CCDC175: variants seen among roughly 807,000 people sequenced by gnomAD.
The protein encoded by CCDC175 is coiled-coil domain-containing protein 175.
CCDC175 carries 100 observed loss-of-function variants against 114.6 expected under a neutral mutation model. That is an observed-to-expected ratio of 0.87 (90% CI 0.74 to 1.03). The LOEUF (loss-of-function observed/expected upper bound fraction) is 1.03, where lower values mean the gene tolerates loss of function less well. CCDC175 is among the 50% of genes least tolerant of loss of function. The pLI is 0.00. For synonymous variants in CCDC175, 306 were observed against 308.7 expected (o/e 0.99, Z 0.09); for missense variants, 880 against 917.8 (o/e 0.96, Z 0.53).
At chr14:59,566,480 A>C (rs776267638) in intron 4 of CCDC175, among the ~76,000 whole-genome samples, 2 of 152,194 alleles carry the variant, frequency 1.3e-5, no homozygotes, top group Non-Finnish European at 1.5e-5. Context: ...AAAGAAATGC[A>C]ATAAAAAGAA....
rs1422515139 is a variant in CCDC175 at position 59,561,400 on chromosome 14, A to G, written c.844-172T>C. Among the ~76,000 whole-genome samples, 8 of 152,328 alleles carry G rather than the reference A, an allele frequency of 5.3e-5. No homozygotes were observed. The East Asian group carries it at 1.5e-3, about 29-fold the overall frequency. On this transcript the variant is annotated intron_variant, in intron 6 of 19. Coordinates refer to ENST00000537690, the MANE Select transcript of CCDC175 (RefSeq NM_001164399.2). ...GTTTCTCTATAAAATAAACTTGGAC[A>G]CAAATAATTCTGAAATCATCAGAAA... is the stretch of plus-strand genomic sequence containing the variant.
intron 10 of CCDC175, among the ~76,000 whole-genome samples, chr14:59,541,688 A>G (rs892470272): frequency 2.6e-5 from 4 of 152,188 alleles, no homozygotes; most frequent in Admixed American, 6.5e-5. Context: ...TACATATTTA[A>G]TGTAATCCAT....
chr14:59,551,453 C>A lies in CCDC175; in HGVS notation c.954-17G>T, dbSNP rs1027068010. 1.6e-6 allele frequency: 2 copies of A among 1,279,620 alleles called. No individual in the cohort carries two copies. The highest frequency in any genetic ancestry group is 2.1e-6 in the Non-Finnish European group (2 of 949,626). The allele number at this position is 1,279,620 out of a possible 1,614,324, so 79.3% of individuals were successfully genotyped here. A position where few individuals can be genotyped will look rare whatever the true frequency, so the allele number is the denominator to read the frequency against. On this transcript the variant is annotated splice_polypyrimidine_tract_variant and intron_variant, in intron 7 of 19. Coordinates refer to ENST00000537690, the MANE Select transcript of CCDC175 (RefSeq NM_001164399.2). ...AAAAAACACCTATGAACAAAGGAAG[C>A]CAAACAGATTCATATAAGAACATAC... is the stretch of plus-strand genomic sequence containing the variant.
chr14:59,545,124 T>A (rs1181570987), intron 9 of CCDC175, 39 bp downstream of exon 9: 2 of 1,522,064 alleles, frequency 1.3e-6, no homozygotes, highest in South Asian at 2.4e-5. Flanking sequence ...CACCCCATAA[T>A]GATGGCATGT....
intron 7 of CCDC175, among the ~76,000 whole-genome samples, chr14:59,560,072 AAG>A (rs1395958216): frequency 6.6e-6 from 1 of 152,088 alleles, no homozygotes; most frequent in East Asian, 1.9e-4. Context: ...CACAAAATAA[AAG>A]AGTTTTTTTG....
At chr14:59,567,194 G>GCTC (rs1896603483) in intron 4 of CCDC175, among the ~76,000 whole-genome samples, 1 of 152,162 alleles carries the variant, frequency 6.6e-6, no homozygotes, top group African/African-American at 2.4e-5. Flanking sequence ...TATGTAGCAG[G>GCTC]CTCTGGCCAT....
chr14:59,507,400 G>A, intron 19 of CCDC175, among the ~76,000 whole-genome samples: 1 of 152,246 alleles, frequency 6.6e-6, no homozygotes, highest in East Asian at 1.9e-4. Flanking sequence ...AGGGCCTGGA[G>A]TTTATTCAAC....
intron 7 of CCDC175, among the ~76,000 whole-genome samples, chr14:59,552,802 T>A (rs1196484161): frequency 1.3e-5 from 2 of 152,136 alleles, no homozygotes; most frequent in Non-Finnish European, 2.9e-5. Flanking sequence ...CCATGGTACG[T>A]GAACTACGTG....
intron 19 of CCDC175, 118 bp from the exon 20 acceptor site, chr14:59,505,433 A>T: frequency 2.5e-6 from 1 of 393,976 alleles, no homozygotes; most frequent in East Asian, 3.5e-5. Context: ...TAATTGTATA[A>T]TCGGGGTAGA....
At chr14:59,576,518 CTG>C in intron 1 of CCDC175, 99 bp downstream of exon 1, 1 of 1,162,706 alleles carries the variant, frequency 8.6e-7, no homozygotes, top group Non-Finnish European at 1.1e-6. Flanking sequence ...CAGTGATGCC[CTG>C]GTTCCGGGAG....
At chr14:59,511,226 G>A (rs545191375) in intron 18 of CCDC175, among the ~76,000 whole-genome samples, 25 of 152,228 alleles carry the variant, frequency 1.6e-4, no homozygotes, top group South Asian at 4.2e-4. Context: ...CTGGGCCTCC[G>A]CAGCTCCATG....
At chr14:59,535,792 G>A (rs1202550572) in intron 13 of CCDC175, among the ~76,000 whole-genome samples, 3 of 152,210 alleles carry the variant, frequency 2.0e-5, no homozygotes, top group Non-Finnish European at 4.4e-5. Context: ...TGCTCCACTT[G>A]GATCTCCCCT....
At chr14:59,517,147 T>C (rs1005425698) in intron 17 of CCDC175, among the ~76,000 whole-genome samples, 1 of 152,152 alleles carries the variant, frequency 6.6e-6, no homozygotes, top group African/African-American at 2.4e-5. Context: ...TCTCAATAAA[T>C]TCGGTATTGA....
chr14:59,552,568 C>T (rs61363367), intron 7 of CCDC175, among the ~76,000 whole-genome samples: 9,733 of 152,182 alleles, frequency 0.064, 407 homozygotes, highest in African/African-American at 0.11. Flanking sequence ...CACCTCCCCC[C>T]CTCCAAAAGA....
intron 8 of CCDC175, among the ~76,000 whole-genome samples, chr14:59,548,884 T>G (rs2140062653): frequency 6.6e-6 from 1 of 152,272 alleles, no homozygotes; most frequent in Non-Finnish European, 1.5e-5. Context: ...CTGATGAGCC[T>G]CAGGGCATGG....
intron 1 of CCDC175, among the ~76,000 whole-genome samples, chr14:59,575,520 T>C (rs1325464049): frequency 6.7e-6 from 1 of 149,826 alleles, no homozygotes; most frequent in Non-Finnish European, 1.5e-5. Context: ...TTTTTTTTTT[T>C]TTTTTTTGAG....
rs1204687013 is a variant in CCDC175 at position 59,531,836 on chromosome 14, C to G, written c.1698G>C (p.Gln566His). ...EELVEYLPQL[Q>H]VAEQEYKEKR... ...TCTCTTTATACTCTTGTTCTGCCAC[C>G]TGAAGTTGTGGAAGATACTCAACTA... Residue 566 changes from glutamine (Q) to histidine (H), a missense_variant, in exon 14 of 20, where the codon CAG becomes CAC. Gln to His is a conservative substitution (Grantham distance 24). Coordinates refer to ENST00000537690, the MANE Select transcript of CCDC175 (RefSeq NM_001164399.2). 8.1e-6 allele frequency: 12 copies of G among 1,472,606 alleles called. No individual in the cohort carries two copies. Among genetic ancestry groups the G allele is most frequent in the Non-Finnish European group, 1.1e-5 (12 of 1,091,210 alleles). 91.2% of individuals were successfully genotyped at this position (1,472,606 alleles called of 1,614,324 possible).
intron 17 of CCDC175, among the ~76,000 whole-genome samples, chr14:59,512,894 T>C (rs1422775910): frequency 1.3e-5 from 2 of 151,280 alleles, no homozygotes; most frequent in Non-Finnish European, 2.9e-5. Flanking sequence ...GAATTTAGAA[T>C]AGTGAAAATA....
chr14:59,557,038 G>A (rs911184350), intron 7 of CCDC175, among the ~76,000 whole-genome samples: 1 of 152,142 alleles, frequency 6.6e-6, no homozygotes, highest in Non-Finnish European at 1.5e-5. Context: ...CTAGTTCAAC[G>A]ATTGTGGAAG....
Sources: gnomAD v4.1 joint callset for allele counts (sites outside exome capture counted in the v4.1 genomes callset) on GRCh38, gnomAD v4.1.1 for gene constraint, MANE v1.5 for transcripts, NCBI Gene and HGNC (gene_info 2026-07-23, HGNC 2026-07-21) for gene names.